The following ACTN2 variants were observed in gnomAD, a reference collection of about 807,000 sequenced individuals.
ACTN2 encodes the protein actinin alpha 2.
Under a neutral mutation model 113.8 loss-of-function variants are expected in ACTN2, and 39 were observed. The ratio of observed to expected loss-of-function variants is 0.34; its 90% CI spans 0.27 to 0.45. ACTN2 has a LOEUF of 0.45. ACTN2 is among the 20% of genes least tolerant of loss of function. ACTN2 has a pLI of 1.00. For synonymous variants in ACTN2, 429 were observed against 444.1 expected, an observed-to-expected ratio of 0.97 and a Z score of 0.43; for missense variants, 992 against 1,177.9, an observed-to-expected ratio of 0.84 and a Z score of 2.31.
chr1:236,746,721 A>AG (rs1277414353), intron 12 of ACTN2, among the ~76,000 whole-genome samples: 3 of 151,998 alleles, frequency 2.0e-5, no homozygotes, highest in Non-Finnish European at 4.4e-5. Context: ...AAAAAAAAAA[A>AG]ATTGCTTCAG....
At chr1:236,700,668 T>A (rs1041277708) in intron 1 of ACTN2, among the ~76,000 whole-genome samples, 3 of 152,298 alleles carry the variant, frequency 2.0e-5, no homozygotes, top group African/African-American at 7.2e-5. Flanking sequence ...GTGGGAACAA[T>A]GTCTGAGGAT....
intron 7 of ACTN2, chr1:236,734,392 A>G: frequency 7.1e-7 from 1 of 1,406,366 alleles, no homozygotes. Context: ...GCCTGCTGGT[A>G]TTAGAACATC....
chr1:236,754,182 CTCAG>C lies in ACTN2; in HGVS notation c.1974+106_1974+109del. 6.6e-7 allele frequency: 1 copy of C among 1,506,944 alleles called. No homozygotes were observed. Among genetic ancestry groups the C allele is most frequent in the Non-Finnish European group, 9.1e-7 (1 of 1,099,312 alleles). The allele number at this position is 1,506,944 out of a possible 1,614,324, so 93.3% of individuals were successfully genotyped here. ...ACATGCTGTGGTTTCCAGCCACCCA[CTCAG>C]TCAGGTGGGAGCACCGTTCTGTTAT... On this transcript the variant is annotated intron_variant, in intron 16 of 20. Coordinates refer to ENST00000366578, the MANE Select transcript of ACTN2 (RefSeq NM_001103.4). This position sits in a 1 kb window ranked among gnomAD's most constrained non-coding sequence, Gnocchi z 4.9.
At chr1:236,716,583 G>A (rs1658220348) in intron 1 of ACTN2, among the ~76,000 whole-genome samples, 5 of 152,140 alleles carry the variant, frequency 3.3e-5, no homozygotes, top group African/African-American at 1.2e-4. Context: ...CAAAGGCAGG[G>A]TTGAATATAG....
At chr1:236,756,857 A>G (rs1470589903) in intron 17 of ACTN2, among the ~76,000 whole-genome samples, 1 of 18,228 alleles carries the variant, frequency 5.5e-5, no homozygotes, top group African/African-American at 2.3e-4. Flanking sequence ...GTTATAGAGT[A>G]TATACTGCAG....
chr1:236,752,269 C>A (rs1659417603), intron 15 of ACTN2, among the ~76,000 whole-genome samples: 1 of 152,044 alleles, frequency 6.6e-6, no homozygotes, highest in African/African-American at 2.4e-5. Context: ...CAATCATAGT[C>A]TTTGAGGAAT....
intron 4 of ACTN2, among the ~76,000 whole-genome samples, chr1:236,724,324 C>T (rs900318773): frequency 6.6e-6 from 1 of 152,236 alleles, no homozygotes; most frequent in Non-Finnish European, 1.5e-5. Context: ...TCTCCAAATA[C>T]AGGCACATTA....
intron 10 of ACTN2, 90 bp from the exon 11 acceptor site, chr1:236,742,805 GT>G: frequency 6.7e-7 from 1 of 1,491,264 alleles, no homozygotes; most frequent in African/African-American, 1.4e-5. Context: ...TCAAAATGTA[GT>G]GGAGGGATTT....
At position 236,762,766 on chromosome 1, in the gene ACTN2, C is replaced by A; in HGVS notation, c.*147C>A. ...CCTTTCGTAGTTCAGTAATTGCCAG[C>A]AATATAACACGGCTAAAATGAAGTT... is the stretch of plus-strand genomic sequence containing the variant. On this transcript the variant is annotated 3_prime_UTR_variant, in exon 21 of 21. Coordinates refer to ENST00000366578, the MANE Select transcript of ACTN2 (RefSeq NM_001103.4). 1.0e-6 allele frequency: 1 copy of A among 957,090 alleles called. No homozygotes were observed. The highest frequency in any genetic ancestry group is 1.6e-6 in the Non-Finnish European group (1 of 623,448). 59.3% of individuals were successfully genotyped at this position (957,090 alleles called of 1,614,324 possible).
chr1:236,750,878 C>T (rs1468995191), intron 14 of ACTN2, among the ~76,000 whole-genome samples: 1 of 151,826 alleles, frequency 6.6e-6, no homozygotes, highest in Non-Finnish European at 1.5e-5. Flanking sequence ...CACTTGAGGC[C>T]AGGAGTTTGA....
intron 9 of ACTN2, 45 bp downstream of exon 9, chr1:236,737,259 G>T: frequency 1.5e-6 from 2 of 1,292,074 alleles, no homozygotes; most frequent in Non-Finnish European, 2.2e-6. Flanking sequence ...CCTCACGCAG[G>T]GGCTGAGGCA....
intron 2 of ACTN2, among the ~76,000 whole-genome samples, chr1:236,718,321 C>T (rs1658281835): frequency 6.6e-6 from 1 of 152,230 alleles, no homozygotes; most frequent in East Asian, 1.9e-4. Context: ...CAAAAATCTA[C>T]TGTACATGTT....
chr1:236,688,398 A>G (rs1665951100), intron 1 of ACTN2, among the ~76,000 whole-genome samples: 1 of 151,758 alleles, frequency 6.6e-6, no homozygotes, highest in Non-Finnish European at 1.5e-5. Context: ...TAAGTACAGT[A>G]CAGTAGCAGG....
At chr1:236,701,971 T>C (rs1657690928) in intron 1 of ACTN2, among the ~76,000 whole-genome samples, 1 of 152,192 alleles carries the variant, frequency 6.6e-6, no homozygotes, top group Non-Finnish European at 1.5e-5. Flanking sequence ...AAATGCCTGA[T>C]GTGTGACGGT....
rs202135204 is a variant in ACTN2, at chr1:236,755,096, C to T, written c.2052C>T (p.Asn684=). 5.4e-5 allele frequency: 87 copies of T among 1,614,108 alleles called. 1 individual carries two copies. The highest frequency in any genetic ancestry group is 8.8e-5 in the South Asian group (8 of 91,094). ...QMNQLKQYEH[N]IINYKNNIDK... ...ACCAGCTGAAGCAGTATGAGCACAA[C>T]ATCATCAACTATAAGAACAACATCG... Residue 684 remains asparagine (N), a synonymous_variant, in exon 17 of 21, where the codon AAC becomes AAT. Coordinates refer to ENST00000366578, the MANE Select transcript of ACTN2 (RefSeq NM_001103.4).
chr1:236,757,186 CCT>C, intron 17 of ACTN2, among the ~76,000 whole-genome samples: 6 of 94,802 alleles, frequency 6.3e-5, no homozygotes, highest in Non-Finnish European at 8.7e-5. Context: ...CTGTTAGAAC[CCT>C]GGTAATAGAG....
At chr1:236,722,634 CAAAA>C (rs35608028) in intron 4 of ACTN2, among the ~76,000 whole-genome samples, 14 of 112,104 alleles carry the variant, frequency 1.2e-4, no homozygotes, top group African/African-American at 4.4e-4. Context: ...GACTCCGTCT[CAAAA>C]AAAAAAAAAA....
intron 18 of ACTN2, 49 bp downstream of exon 18, chr1:236,757,681 T>C (rs1659589967): frequency 6.2e-7 from 1 of 1,608,600 alleles, no homozygotes; most frequent in Non-Finnish European, 8.5e-7. Context: ...CATTAAACAA[T>C]GTATCTGAAA....
In ACTN2 at chr1:236,761,122, C is replaced by G. The variant is rs758805815; in HGVS notation, c.2475C>G (p.Thr825=). ...TCATGACTAGAGAGACGGCTGACACCGACACTGCCGAGCAGGTCATCGCCT... is the reference window on the plus strand; with the variant it reads ...TCATGACTAGAGAGACGGCTGACACGGACACTGCCGAGCAGGTCATCGCCT... ...IDFMTRETAD[T]DTAEQVIASF... is the part of the protein sequence containing the mutation. Residue 825 remains threonine, a synonymous_variant, in exon 20 of 21, where the codon ACC becomes ACG. Coordinates refer to ENST00000366578, the MANE Select transcript of ACTN2 (RefSeq NM_001103.4). The G allele has an allele frequency of 6.2e-7, 1 of 1,614,190 alleles. No individual in the cohort carries two copies. The highest frequency in any genetic ancestry group is 1.7e-5 in the Admixed American group (1 of 60,030).
Sources: allele counts gnomAD v4.1 joint callset (sites outside exome capture counted in the v4.1 genomes callset), GRCh38; gene constraint gnomAD v4.1.1; non-coding constraint Gnocchi (gnomAD v3.1); transcripts MANE v1.5; gene names NCBI Gene and HGNC (gene_info 2026-07-23, HGNC 2026-07-21).